The following STAB2 variants were observed in gnomAD, a reference collection of about 807,000 sequenced individuals.
STAB2 encodes the protein stabilin 2, also known as stabilin-2.
A neutral mutation model predicts 338.1 loss-of-function variants in STAB2; 288 were observed. The observed-to-expected ratio is 0.85, with a 90% CI of 0.77 to 0.94. The LOEUF is 0.94. Ranked by LOEUF, STAB2 falls within the 40% of genes least tolerant of loss-of-function variation. The pLI is 0.00. For missense variants in STAB2, 3,141 were observed against 3,210.1 expected (o/e 0.98, Z 0.52); for synonymous variants, 1,202 against 1,193.3 (o/e 1.01, Z -0.15).
intron 28 of STAB2, 111 bp downstream of exon 28, chr12:103,688,326 C>A: frequency 9.4e-7 from 1 of 1,058,208 alleles, no homozygotes; most frequent in Non-Finnish European, 1.5e-6. Context: ...GGCAATTGTG[C>A]TGAGCAGTGT....
At position 103,737,729 on chromosome 12, in the gene STAB2, T is replaced by A. The variant is rs1882270603; in HGVS notation, c.5646T>A (p.Ile1882=). ...GVAYGIDCLL[I]DPTLGGRCDT... ...CCTACGGCATTGACTGTCTGCTGAT[T>A]GATCCCACCCTGGGGGGCCGCTGTG... The change falls in exon 53 of 69, where the codon ATT becomes ATA. Residue 1882 remains isoleucine (I), a synonymous_variant. Transcript: ENST00000388887. 1 of 1,614,012 alleles carries A rather than the reference T, an allele frequency of 6.2e-7. No homozygotes were observed. Among genetic ancestry groups the A allele is most frequent in the Non-Finnish European group, 8.5e-7 (1 of 1,180,006 alleles).
At chr12:103,705,317 A>G (rs1879246778) in intron 36 of STAB2, among the ~76,000 whole-genome samples, 1 of 152,236 alleles carries the variant, frequency 6.6e-6, no homozygotes, top group Non-Finnish European at 1.5e-5. Flanking sequence ...GAGTCAATGT[A>G]CGGTGCTGGA....
At chr12:103,622,906 C>T (rs150304389) in intron 5 of STAB2, among the ~76,000 whole-genome samples, 3 of 152,338 alleles carry the variant, frequency 2.0e-5, no homozygotes, top group East Asian at 1.9e-4. Context: ...ACCGTGGGCC[C>T]CACCTAATTC....
chr12:103,703,119 A>G (rs1216532808), intron 34 of STAB2, 29 bp from the exon 35 acceptor site: 1 of 1,602,948 alleles, frequency 6.2e-7, no homozygotes, highest in East Asian at 2.2e-5. Flanking sequence ...AATGTCATAA[A>G]AAGTGACATT....
chr12:103,740,749 CTG>C lies in STAB2; in HGVS notation c.5876_5877del (p.Cys1959SerfsTer12). 1 of 1,582,858 alleles carries C rather than the reference CTG, an allele frequency of 6.3e-7. No individual in the cohort carries two copies. ...GCTGCAAGGGCTACTTCGGGCGAGA[CTG>C]TCAGGGTGAGGGTGCCTCTTCCCCC... ...RCCKGYFGRD[C>X]QACPGGPDAP... On this transcript the variant is annotated frameshift_variant, in exon 55 of 69. Coordinates refer to ENST00000388887, the MANE Select transcript of STAB2 (RefSeq NM_017564.10). LOFTEE classifies it high-confidence loss of function.
chr12:103,618,539 T>C (rs940550951), intron 3 of STAB2, among the ~76,000 whole-genome samples: 3 of 152,178 alleles, frequency 2.0e-5, no homozygotes, highest in Middle Eastern at 3.2e-3. Flanking sequence ...AGGGAAGATG[T>C]ATGGCAGAAT....
At chr12:103,708,623 C>A (rs1879578225) in intron 39 of STAB2, 87 bp downstream of exon 39, 1 of 1,209,970 alleles carries the variant, frequency 8.3e-7, no homozygotes, top group Non-Finnish European at 1.2e-6. Flanking sequence ...ATAAATGACA[C>A]CTTTTTTTAC....
intron 3 of STAB2, among the ~76,000 whole-genome samples, chr12:103,596,929 G>A (rs570956385): frequency 2.2e-5 from 3 of 137,914 alleles, no homozygotes; most frequent in Non-Finnish European, 4.6e-5. Context: ...CTCCAGCCTG[G>A]GTAATAGAGT....
At chr12:103,652,965 T>A (rs777513164) in intron 12 of STAB2, among the ~76,000 whole-genome samples, 2 of 152,228 alleles carry the variant, frequency 1.3e-5, no homozygotes, top group Non-Finnish European at 2.9e-5. Context: ...TCAAGGCAAC[T>A]GTCATTCAAC....
chr12:103,637,391 C>A (rs1048813747), intron 7 of STAB2, among the ~76,000 whole-genome samples, 155 bp downstream of exon 7: 1 of 152,184 alleles, frequency 6.6e-6, no homozygotes, highest in Non-Finnish European at 1.5e-5. Context: ...AAGCAAAATG[C>A]TCAATAAATG....
chr12:103,722,781 T>C (rs1160588628), intron 44 of STAB2, among the ~76,000 whole-genome samples: 5 of 152,162 alleles, frequency 3.3e-5, no homozygotes, highest in Non-Finnish European at 5.9e-5. Flanking sequence ...AGGCATGTTT[T>C]TGTGCTGGGG....
In STAB2 at chr12:103,711,324, A is replaced by C; in HGVS notation, c.4289-147A>C. 2.9e-6 allele frequency: 3 copies of C among 1,035,144 alleles called. No homozygotes were observed. The East Asian group carries it at 7.8e-5, about 27-fold the overall frequency. The allele number at this position is 1,035,144 out of a possible 1,614,324, so 64.1% of individuals were successfully genotyped here. Reference sequence around the variant, plus strand: ...TGAGCTTCATGGCAGCCAGTATAAAAAAGGATTGACATGACCTCATAGTTT... The same window carrying C: ...TGAGCTTCATGGCAGCCAGTATAAACAAGGATTGACATGACCTCATAGTTT... On this transcript the variant is annotated intron_variant, in intron 39 of 68. Transcript: ENST00000388887.
intron 68 of STAB2, chr12:103,765,999 C>G (rs1270711854): frequency 3.6e-6 from 2 of 562,692 alleles, no homozygotes; most frequent in Admixed American, 4.6e-5. Context: ...CCTCCTACCT[C>G]CCTGTGAGGT....
At chr12:103,683,162 C>T (rs1877078407) in intron 25 of STAB2, 43 bp from the exon 26 acceptor site, 2 of 1,569,806 alleles carry the variant, frequency 1.3e-6, no homozygotes, top group South Asian at 2.3e-5. Context: ...ATGGAAGGCA[C>T]TTGCTTTCAA....
chr12:103,652,654 C>T lies in STAB2; in HGVS notation c.1356C>T (p.Asp452=), dbSNP rs765169513. The T allele has an allele frequency of 1.2e-6, 2 of 1,607,756 alleles. No homozygotes were observed. Among genetic ancestry groups the T allele is most frequent in the African/African-American group, 1.3e-5 (1 of 74,832 alleles). The change falls in exon 12 of 69, where the codon GAC becomes GAT. Residue 452 remains aspartate (D), a synonymous_variant. Transcript: ENST00000388887. ...ACATCGAATATATGAATAACACAGA[C>T]ATGTTCTACACCTTGACTGGAAAGT... ...QMNIEYMNNT[D]MFYTLTGKSG...
At position 103,727,297 on chromosome 12, in the gene STAB2, G is replaced by GGCCCCTTCACTGT; in HGVS notation, c.4883_4895dup (p.Phe1633ProfsTer13). Reference sequence around the variant, plus strand: ...TTTCGTGAAAGATCTGGTCGGCCCAGGCCCCTTCACTGTTTTTGCACCTTT... The same window carrying GGCCCCTTCACTGT: ...TTTCGTGAAAGATCTGGTCGGCCCAGGCCCCTTCACTGTGCCCCTTCACTGTTTTTGCACCTTT... On this transcript the variant is annotated frameshift_variant, in exon 47 of 69. Coordinates refer to ENST00000388887, the MANE Select transcript of STAB2 (RefSeq NM_017564.10). LOFTEE classifies it high-confidence loss of function. 1 of 1,614,248 alleles carries GGCCCCTTCACTGT rather than the reference G, an allele frequency of 6.2e-7. No individual in the cohort carries two copies. The highest frequency in any genetic ancestry group is 8.5e-7 in the Non-Finnish European group (1 of 1,180,038).
intron 3 of STAB2, among the ~76,000 whole-genome samples, chr12:103,603,278 G>A (rs1383342973): frequency 6.6e-6 from 1 of 152,092 alleles, no homozygotes; most frequent in African/African-American, 2.4e-5. Context: ...CATCATGTTA[G>A]CCAGGATGGT....
intron 2 of STAB2, among the ~76,000 whole-genome samples, chr12:103,593,672 A>G (rs1267463672): frequency 6.6e-6 from 1 of 152,232 alleles, no homozygotes; most frequent in Non-Finnish European, 1.5e-5. Context: ...CCTTGAATTC[A>G]TCATCATGTT....
rs781409534 is a variant in STAB2 at position 103,733,213 on chromosome 12, AG to A, written c.5460+32del. 1.1e-5 allele frequency: 17 copies of A among 1,606,584 alleles called. 1 individual carries two copies. The East Asian group carries it at 1.3e-4, about 13-fold the overall frequency. On this transcript the variant is annotated intron_variant, in intron 51 of 68. Coordinates refer to ENST00000388887, the MANE Select transcript of STAB2 (RefSeq NM_017564.10). ...TAGTTTACATGCAGACATAAGTGCA[AG>A]AATGTCCCAGGGTGGTGATAAAATT...
Sources: gnomAD v4.1 joint callset for allele counts (sites outside exome capture counted in the v4.1 genomes callset) on GRCh38, gnomAD v4.1.1 for gene constraint, MANE v1.5 for transcripts, NCBI Gene and HGNC (gene_info 2026-07-23, HGNC 2026-07-21) for gene names.